Variants in CADM2 observed in about 807,000 individuals in gnomAD.
The protein encoded by CADM2 is cell adhesion molecule 2, also known as immunoglobulin superfamily member 4D.
CADM2 carries 12 observed loss-of-function variants against 49.8 expected under a neutral mutation model. That is an observed-to-expected ratio of 0.24 (90% CI 0.15 to 0.39). The LOEUF is 0.39. Ranked by LOEUF, CADM2 falls within the 10% of genes least tolerant of loss-of-function variation. CADM2 has a pLI of 1.00. For synonymous variants in CADM2, 214 were observed against 175.4 expected (o/e 1.22, Z -1.74); for missense variants, 378 against 492.3 (o/e 0.77, Z 2.20).
At chr3:85,360,048 A>C (rs1559799484) in intron 1 of CADM2, among the ~76,000 whole-genome samples, 1 of 151,884 alleles carries the variant, frequency 6.6e-6, no homozygotes. Context: ...TGAAAATGTG[A>C]ATTTTCACGT....
chr3:85,434,799 C>T (rs919002501), intron 1 of CADM2, among the ~76,000 whole-genome samples: 36 of 152,160 alleles, frequency 2.4e-4, no homozygotes, highest in Middle Eastern at 3.4e-3. Flanking sequence ...TTCCTCAGTT[C>T]GTAAGTTACT....
At chr3:85,502,323 C>T (rs2040152478) in intron 1 of CADM2, among the ~76,000 whole-genome samples, 1 of 151,958 alleles carries the variant, frequency 6.6e-6, no homozygotes, top group South Asian at 2.1e-4. Context: ...AACAAAATTG[C>T]TCAATTAGAC....
chr3:85,630,367 A>G (rs2064271023), intron 1 of CADM2, among the ~76,000 whole-genome samples: 1 of 151,996 alleles, frequency 6.6e-6, no homozygotes, highest in Non-Finnish European at 1.5e-5. Flanking sequence ...CAACTGGCAC[A>G]CAGTGACTTC....
At chr3:85,402,039 T>C (rs188373266) in intron 1 of CADM2, among the ~76,000 whole-genome samples, 2 of 152,330 alleles carry the variant, frequency 1.3e-5, no homozygotes, top group Admixed American at 6.5e-5. Flanking sequence ...AGATTTACTA[T>C]AATTCATAGA....
chr3:85,085,568 A>C (rs1026764452), intron 1 of CADM2, among the ~76,000 whole-genome samples: 1 of 152,072 alleles, frequency 6.6e-6, no homozygotes, highest in Non-Finnish European at 1.5e-5. Flanking sequence ...AGACCTTTGG[A>C]GGAATAATTA....
intron 1 of CADM2, among the ~76,000 whole-genome samples, chr3:85,291,781 G>A (rs376966624): frequency 1.4e-5 from 2 of 147,786 alleles, no homozygotes; most frequent in East Asian, 3.9e-4. Flanking sequence ...AAGAGCTCCT[G>A]AAGGAAGTGC....
intron 1 of CADM2, among the ~76,000 whole-genome samples, chr3:85,116,104 A>T (rs2038628914): frequency 6.6e-6 from 1 of 152,228 alleles, no homozygotes; most frequent in African/African-American, 2.4e-5. Flanking sequence ...AGGCGGGCAG[A>T]TTACTTGAGG....
chr3:85,292,657 A>C (rs1158920930), intron 1 of CADM2, among the ~76,000 whole-genome samples: 1 of 151,168 alleles, frequency 6.6e-6, no homozygotes, highest in South Asian at 2.1e-4. Context: ...GCTCAACTAC[A>C]TGGAAACTGA....
intron 1 of CADM2, among the ~76,000 whole-genome samples, chr3:85,370,764 A>T (rs369650023): frequency 6.6e-6 from 1 of 152,234 alleles, no homozygotes; most frequent in Non-Finnish European, 1.5e-5. Context: ...GTGTTCCAGA[A>T]GAAGAGATTG....
chr3:84,978,822 T>C (rs1032786829), intron 1 of CADM2, among the ~76,000 whole-genome samples: 6 of 152,210 alleles, frequency 3.9e-5, no homozygotes, highest in Non-Finnish European at 7.4e-5. Context: ...ACATAAGAAA[T>C]ATGTTTTAGC....
intron 1 of CADM2, among the ~76,000 whole-genome samples, chr3:85,466,886 T>G (rs1374391546): frequency 6.6e-6 from 1 of 152,154 alleles, no homozygotes; most frequent in Non-Finnish European, 1.5e-5. Context: ...TGCTTTTACT[T>G]TTCTCTCACA....
chr3:85,259,414 A>AG (rs2042963033), intron 1 of CADM2, among the ~76,000 whole-genome samples: 2 of 79,474 alleles, frequency 2.5e-5, no homozygotes, highest in Non-Finnish European at 4.9e-5. Context: ...AATTTTCAGA[A>AG]AACTTTCATG....
intron 2 of CADM2, among the ~76,000 whole-genome samples, chr3:85,745,884 T>A (rs2068598228): frequency 6.6e-6 from 1 of 151,956 alleles, no homozygotes; most frequent in Admixed American, 6.6e-5. Flanking sequence ...TTTGCCTATG[T>A]TTTTTTTCTT....
Position 85,616,231 on chromosome 3 carries a change from C to G in CADM2, c.62-110291C>G, listed in dbSNP as rs942863009. 4.1e-5 allele frequency among the ~76,000 whole-genome samples: 6 copies of G among 147,720 alleles called. No individual in the cohort carries two copies. In the Admixed American group the frequency reaches 4.1e-4, roughly 10 times the overall value. On this transcript the variant is annotated intron_variant, in intron 1 of 9. Transcript: ENST00000383699. ...CTAGAATAAAAACTGTTTACAAAAA[C>G]AAGTTTCTGCCTTTTAATCAACATA...
At chr3:85,926,496 T>C (rs1260308513) in intron 6 of CADM2, among the ~76,000 whole-genome samples, 1 of 152,174 alleles carries the variant, frequency 6.6e-6, no homozygotes, top group Non-Finnish European at 1.5e-5. Flanking sequence ...TTAGTATTAA[T>C]GTTAAGTTCT....
At chr3:85,657,725 T>TAC (rs1387373357) in intron 1 of CADM2, among the ~76,000 whole-genome samples, 69 of 56,124 alleles carry the variant, frequency 1.2e-3, no homozygotes, top group Non-Finnish European at 2.5e-3. Flanking sequence ...TATATATATA[T>TAC]ACAGATATAT....
At chr3:85,271,320 C>A (rs757758802) in intron 1 of CADM2, among the ~76,000 whole-genome samples, 10 of 151,164 alleles carry the variant, frequency 6.6e-5, no homozygotes, top group Non-Finnish European at 1.2e-4. Context: ...CTGTACTCAT[C>A]AAGGACAAAG....
intron 1 of CADM2, among the ~76,000 whole-genome samples, chr3:85,466,936 G>T (rs564698743): frequency 1.3e-5 from 2 of 152,150 alleles, no homozygotes; most frequent in Admixed American, 1.3e-4. Flanking sequence ...ATCCAGCAGA[G>T]AATTGGCCTC....
intron 1 of CADM2, among the ~76,000 whole-genome samples, chr3:84,973,816 TTACAA>T (rs1487063936): frequency 2.0e-5 from 3 of 152,142 alleles, no homozygotes; most frequent in Admixed American, 2.0e-4. Flanking sequence ...CTTGCTTATA[TTACAA>T]TACATCATGC....
Sources: allele counts gnomAD v4.1 joint callset (sites outside exome capture counted in the v4.1 genomes callset), GRCh38; gene constraint gnomAD v4.1.1; transcripts MANE v1.5; gene names NCBI Gene and HGNC (gene_info 2026-07-23, HGNC 2026-07-21).